The following MYO9A variants were observed in gnomAD, a reference collection of about 807,000 sequenced individuals.
MYO9A encodes myosin IXA.
MYO9A carries 103 observed loss-of-function variants against 293.3 expected under a neutral mutation model. That is an observed-to-expected ratio of 0.35 (90% CI 0.30 to 0.41). MYO9A has a LOEUF of 0.41. MYO9A is among the 10% of genes least tolerant of loss of function. The probability of loss-of-function intolerance (pLI) is 1.00; values close to 1 mark genes in which losing one functional copy is unlikely to be tolerated. For synonymous variants in MYO9A, 1,001 were observed against 1,035.7 expected (o/e 0.97, Z 0.64); for missense variants, 2,685 against 3,033.0 (o/e 0.89, Z 2.69).
intron 1 of MYO9A, among the ~76,000 whole-genome samples, chr15:72,079,775 C>T (rs1246305310): frequency 6.6e-6 from 1 of 152,182 alleles, no homozygotes; most frequent in African/African-American, 2.4e-5. Flanking sequence ...TTTTATACTA[C>T]ATTTAAAATG....
intron 33 of MYO9A, among the ~76,000 whole-genome samples, chr15:71,862,186 G>T (rs565172103): frequency 2.6e-5 from 4 of 152,044 alleles, no homozygotes; most frequent in African/African-American, 7.2e-5. Flanking sequence ...TAAACTGGGG[G>T]TAGAAAAGAG....
At chr15:71,830,830 T>C (rs1026948297) in intron 39 of MYO9A, among the ~76,000 whole-genome samples, 4 of 152,278 alleles carry the variant, frequency 2.6e-5, no homozygotes, top group South Asian at 4.1e-4. Context: ...AGGAAGACCA[T>C]AGAAGTATGT....
intron 37 of MYO9A, 73 bp downstream of exon 37, chr15:71,851,180 G>C (rs2055632131): frequency 1.7e-6 from 2 of 1,189,048 alleles, no homozygotes; most frequent in South Asian, 2.8e-5. Context: ...CTTCCAAATG[G>C]AGAAATTCCT....
intron 19 of MYO9A, among the ~76,000 whole-genome samples, chr15:71,913,711 A>G (rs1255613798): frequency 6.6e-6 from 1 of 152,140 alleles, no homozygotes; most frequent in African/African-American, 2.4e-5. Context: ...TTAAAGAGTG[A>G]CAAACATTTT....
At chr15:71,918,923 T>A (rs1487987203) in intron 18 of MYO9A, among the ~76,000 whole-genome samples, 1 of 152,194 alleles carries the variant, frequency 6.6e-6, no homozygotes, top group Non-Finnish European at 1.5e-5. Context: ...TTTTTTTCAT[T>A]TGCTTGGAAT....
chr15:72,018,959 C>T, intron 6 of MYO9A, 80 bp downstream of exon 6: 1 of 1,116,312 alleles, frequency 9.0e-7, no homozygotes, highest in Non-Finnish European at 1.4e-6. Context: ...GATTTGCATT[C>T]TAAATCTTCA....
At chr15:72,022,057 A>G (rs985611019) in intron 4 of MYO9A, among the ~76,000 whole-genome samples, 1 of 152,198 alleles carries the variant, frequency 6.6e-6, no homozygotes, top group Non-Finnish European at 1.5e-5. Flanking sequence ...CTGACATCTA[A>G]GTTAAATAAG....
chr15:72,100,238 C>T (rs2080228213), intron 1 of MYO9A, among the ~76,000 whole-genome samples: 1 of 152,140 alleles, frequency 6.6e-6, no homozygotes, highest in Non-Finnish European at 1.5e-5. Context: ...AAAAATTAGA[C>T]AGGTGTGGTG....
intron 15 of MYO9A, among the ~76,000 whole-genome samples, chr15:71,949,470 AAAT>A (rs1265601110): frequency 6.6e-6 from 1 of 151,200 alleles, no homozygotes; most frequent in African/African-American, 2.4e-5. Flanking sequence ...CACTGTCTTC[AAAT>A]AATTTTCGAC....
At chr15:71,924,006 T>G (rs558190152) in intron 18 of MYO9A, among the ~76,000 whole-genome samples, 2 of 152,292 alleles carry the variant, frequency 1.3e-5, no homozygotes, top group South Asian at 4.1e-4. Flanking sequence ...CCATTAGAAC[T>G]GCTTTTGCTG....
At chr15:72,061,793 C>A (rs1167714417) in intron 1 of MYO9A, among the ~76,000 whole-genome samples, 1 of 152,174 alleles carries the variant, frequency 6.6e-6, no homozygotes, top group Middle Eastern at 3.2e-3. Context: ...GCACAGGAGC[C>A]TGTCTGAATT....
chr15:72,062,392 T>C (rs2078902678), intron 1 of MYO9A, among the ~76,000 whole-genome samples: 1 of 152,118 alleles, frequency 6.6e-6, no homozygotes, highest in Non-Finnish European at 1.5e-5. Context: ...TAGACAGAGA[T>C]ATGTGACCTT....
intron 1 of MYO9A, among the ~76,000 whole-genome samples, chr15:72,098,278 A>G (rs2080132180): frequency 6.6e-6 from 1 of 151,834 alleles, no homozygotes; most frequent in African/African-American, 2.4e-5. Context: ...CAACAGTTAA[A>G]GTTTCATGGA....
intron 41 of MYO9A, among the ~76,000 whole-genome samples, chr15:71,827,437 G>C (rs2065212429): frequency 1.3e-5 from 2 of 152,000 alleles, no homozygotes; most frequent in African/African-American, 4.8e-5. Context: ...AATGGGTTAT[G>C]GGTCAGTAAG....
intron 5 of MYO9A, among the ~76,000 whole-genome samples, chr15:72,020,610 A>G (rs2077475710): frequency 1.3e-5 from 2 of 152,208 alleles, no homozygotes; most frequent in Admixed American, 1.3e-4. Context: ...GTAAAAGGTA[A>G]ATCACTTTAG....
intron 15 of MYO9A, among the ~76,000 whole-genome samples, chr15:71,944,133 C>T (rs145921772): frequency 6.6e-6 from 1 of 152,032 alleles, no homozygotes; most frequent in African/African-American, 2.4e-5. Flanking sequence ...CATGAGAACA[C>T]AGATAAATCT....
At chr15:72,081,395 C>G (rs1352754243) in intron 1 of MYO9A, among the ~76,000 whole-genome samples, 5 of 152,152 alleles carry the variant, frequency 3.3e-5, no homozygotes, top group Non-Finnish European at 5.9e-5. Context: ...GTCCTTTACC[C>G]ACTTTTTAGC....
At chr15:72,083,736 T>G (rs1468236495) in intron 1 of MYO9A, among the ~76,000 whole-genome samples, 1 of 152,214 alleles carries the variant, frequency 6.6e-6, no homozygotes, top group Non-Finnish European at 1.5e-5. Flanking sequence ...AAGAACTTGG[T>G]TTTTGCCTTA....
At chr15:72,085,408 G>GA (rs1306025695) in intron 1 of MYO9A, among the ~76,000 whole-genome samples, 1 of 149,990 alleles carries the variant, frequency 6.7e-6, no homozygotes, top group African/African-American at 2.5e-5. Flanking sequence ...AAAAAAAAAA[G>GA]AAAAAATGAA....
Sources: gnomAD v4.1 joint callset for allele counts (sites outside exome capture counted in the v4.1 genomes callset) on GRCh38, gnomAD v4.1.1 for gene constraint, MANE v1.5 for transcripts, NCBI Gene and HGNC (gene_info 2026-07-23, HGNC 2026-07-21) for gene names.